Variants in PTPRG observed in about 807,000 individuals in gnomAD.
PTPRG encodes the protein protein tyrosine phosphatase receptor type G.
A neutral mutation model predicts 165.3 loss-of-function variants in PTPRG; 102 were observed. The ratio of observed to expected loss-of-function variants is 0.62; its 90% CI spans 0.53 to 0.73. The LOEUF (loss-of-function observed/expected upper bound fraction) is 0.73. Among genes scored for constraint, PTPRG ranks in the 30% least tolerant of loss-of-function variants. The pLI is 0.00. For synonymous variants in PTPRG, 675 were observed against 669.5 expected (o/e 1.01, Z -0.13); for missense variants, 1,866 against 1,861.4 (o/e 1.00, Z -0.05).
intron 1 of PTPRG, among the ~76,000 whole-genome samples, chr3:61,588,085 C>T (rs936052639): frequency 2.6e-5 from 4 of 152,232 alleles, no homozygotes; most frequent in South Asian, 2.1e-4. Context: ...ATGACCCTGC[C>T]CCTTCAAGAG....
At chr3:61,896,077 G>A (rs1559675481) in intron 2 of PTPRG, among the ~76,000 whole-genome samples, 2 of 152,084 alleles carry the variant, frequency 1.3e-5, no homozygotes, top group Non-Finnish European at 2.9e-5. Flanking sequence ...ATGTAGGTGT[G>A]TGCATGTGTG....
At position 61,757,528 on chromosome 3, in the gene PTPRG, A is replaced by G. The variant is rs568930334; in HGVS notation, c.190+8546A>G. On this transcript the variant is annotated intron_variant, in intron 2 of 29. Coordinates refer to ENST00000474889, the MANE Select transcript of PTPRG (RefSeq NM_002841.4). The stretch of plus-strand genomic sequence containing the variant: ...TTTTAGGTGAAACATTGTCAGTGGC[A>G]TTTCATTTTTTTATAAAATGCTGAT... Among the ~76,000 whole-genome samples the G allele has an allele frequency of 3.3e-5, 5 of 152,262 alleles. No homozygotes were observed. The East Asian group carries it at 9.7e-4, about 29-fold the overall frequency.
chr3:61,832,870 G>A (rs573332577), intron 2 of PTPRG, among the ~76,000 whole-genome samples: 2 of 151,928 alleles, frequency 1.3e-5, no homozygotes, highest in Admixed American at 1.3e-4. Context: ...CCCTTTCCCC[G>A]CTGAGTCCCC....
At position 62,240,289 on chromosome 3, in the gene PTPRG, C is replaced by G. The variant is rs1485275804; in HGVS notation, c.2376-3518C>G. ...GGCGGAGGTTGCAGTGAGCTGAGAT[C>G]GTGCCACTGCACTCCAGCCTGGATG... On this transcript the variant is annotated intron_variant, in intron 14 of 29. Coordinates refer to ENST00000474889, the MANE Select transcript of PTPRG (RefSeq NM_002841.4). This position sits in a 1 kb window ranked among gnomAD's most constrained non-coding sequence, Gnocchi z 5.1. Among the ~76,000 whole-genome samples the G allele has an allele frequency of 2.0e-5, 3 of 151,992 alleles. No homozygotes were observed. The highest frequency in any genetic ancestry group is 4.4e-5 in the Non-Finnish European group (3 of 68,012).
intron 4 of PTPRG, among the ~76,000 whole-genome samples, chr3:62,036,044 CAAAAAAAAA>C (rs77250969): frequency 0.14 from 17,005 of 117,752 alleles, 1,221 homozygotes; most frequent in Admixed American, 0.27. Context: ...TGTCAGTGAC[CAAAAAAAAA>C]AAAAAAAATC....
intron 1 of PTPRG, among the ~76,000 whole-genome samples, chr3:61,593,416 AC>A (rs1335641966): frequency 4.3e-4 from 44 of 102,532 alleles, no homozygotes; most frequent in East Asian, 1.3e-3. Context: ...AAAAAAAAAA[AC>A]CAACCACAAA....
intron 28 of PTPRG, among the ~76,000 whole-genome samples, chr3:62,285,248 T>A (rs1247289039): frequency 1.3e-5 from 2 of 152,158 alleles, no homozygotes; most frequent in African/African-American, 4.8e-5. Flanking sequence ...ACTTACAAAC[T>A]ATTAAGTATA....
chr3:61,857,645 G>A lies in PTPRG; in HGVS notation c.190+108663G>A, dbSNP rs1239484243. ...GAGATCCTATATATCACAAGGCTTT[G>A]AGACTACCTGACCAACATGGGTTTA... On this transcript the variant is annotated intron_variant, in intron 2 of 29. Coordinates refer to ENST00000474889, the MANE Select transcript of PTPRG (RefSeq NM_002841.4). Among the ~76,000 whole-genome samples, 7 of 152,200 alleles carry A rather than the reference G, an allele frequency of 4.6e-5. No homozygotes were observed. In the East Asian group the frequency reaches 1.3e-3, roughly 29 times the overall value.
At position 61,562,359 on chromosome 3, in the gene PTPRG, C is replaced by T. The variant is rs936574527; in HGVS notation, c.72C>T (p.Val24=). 3.7e-6 allele frequency: 6 copies of T among 1,613,504 alleles called. No individual in the cohort carries two copies. The highest frequency in any genetic ancestry group is 1.3e-5 in the African/African-American group (1 of 74,904). Residue 24 remains valine (V), a synonymous_variant, in exon 1 of 30, where the codon GTC becomes GTT. Transcript: ENST00000474889. The part of the protein sequence containing the change: ...LKITSSVLHY[V]VCFPALTEGY... ...TCACCAGTTCCGTGCTCCATTATGT[C>T]GTGTGCTTCCCCGGTGAGTGCCGGC...
chr3:62,155,409 A>G (rs1455927700), intron 6 of PTPRG, among the ~76,000 whole-genome samples: 1 of 152,238 alleles, frequency 6.6e-6, no homozygotes, highest in Admixed American at 6.5e-5. Context: ...AGTGATGTGA[A>G]TAATAAAAGC....
intron 1 of PTPRG, among the ~76,000 whole-genome samples, chr3:61,732,830 C>T (rs2032567440): frequency 6.6e-6 from 1 of 152,184 alleles, no homozygotes; most frequent in African/African-American, 2.4e-5. Flanking sequence ...CCCCACTGCT[C>T]AGTTAAAATG....
chr3:61,626,031 C>G (rs77002483), intron 1 of PTPRG, among the ~76,000 whole-genome samples: 6 of 40,636 alleles, frequency 1.5e-4, no homozygotes, highest in Admixed American at 2.3e-4. Context: ...TTTGGGGGGG[C>G]GGGAGAGATC....
At chr3:61,785,884 G>A (rs2034682415) in intron 2 of PTPRG, among the ~76,000 whole-genome samples, 1 of 152,038 alleles carries the variant, frequency 6.6e-6, no homozygotes. Flanking sequence ...TACACACTTA[G>A]CTTAGGGAAG....
chr3:61,927,266 G>T (rs2039238902), intron 2 of PTPRG, among the ~76,000 whole-genome samples: 2 of 152,162 alleles, frequency 1.3e-5, no homozygotes, highest in Non-Finnish European at 2.9e-5. Context: ...ATAAATCCCT[G>T]GCTAAATGGA....
intron 2 of PTPRG, among the ~76,000 whole-genome samples, chr3:61,979,537 CTCTGATTAGGTGACTTT>C (rs1208016201): frequency 8.3e-6 from 1 of 121,100 alleles, no homozygotes; most frequent in African/African-American, 3.5e-5. Context: ...CAGAAGGCCT[CTCTGATTAGGTGACTTT>C]TATGACTAGT....
chr3:62,076,583 C>CTT (rs553757930), intron 4 of PTPRG, among the ~76,000 whole-genome samples: 2 of 139,046 alleles, frequency 1.4e-5, no homozygotes, highest in Non-Finnish European at 3.1e-5. Flanking sequence ...TTCTCTACAT[C>CTT]TTTTTTTTTT....
chr3:62,073,818 C>T (rs1250178429), intron 4 of PTPRG, among the ~76,000 whole-genome samples: 1 of 152,158 alleles, frequency 6.6e-6, no homozygotes. Flanking sequence ...GCCCTGTACG[C>T]TTCCAACTGT....
At chr3:61,974,996 ATC>A (rs1295561814) in intron 2 of PTPRG, among the ~76,000 whole-genome samples, 8 of 152,218 alleles carry the variant, frequency 5.3e-5, no homozygotes, top group African/African-American at 1.7e-4. Flanking sequence ...CTCTGGAGCC[ATC>A]TCTCTGAGTT....
intron 1 of PTPRG, among the ~76,000 whole-genome samples, chr3:61,644,998 A>C (rs1012243037): frequency 1.3e-5 from 2 of 152,292 alleles, no homozygotes; most frequent in Non-Finnish European, 1.5e-5. Context: ...TAGCTTCATA[A>C]ATGCACACAA....
Sources: allele counts gnomAD v4.1 joint callset (sites outside exome capture counted in the v4.1 genomes callset), GRCh38; gene constraint gnomAD v4.1.1; non-coding constraint Gnocchi (gnomAD v3.1); transcripts MANE v1.5; gene names NCBI Gene and HGNC (gene_info 2026-07-23, HGNC 2026-07-21).